ELMOD2: variants seen among roughly 807,000 people sequenced by gnomAD.
ELMOD2 encodes ELMO domain-containing protein 2.
In ELMOD2, 28 loss-of-function variants were observed where a neutral mutation model predicts 41.0. That is an observed-to-expected ratio of 0.68 (90% confidence interval 0.51 to 0.94). ELMOD2 has a LOEUF of 0.94. Ranked by LOEUF, ELMOD2 falls within the 40% of genes least tolerant of loss-of-function variation. The pLI is 0.00. For synonymous variants in ELMOD2, 106 were observed against 107.2 expected, an observed-to-expected ratio of 0.99 and a Z score of 0.07; for missense variants, 333 against 343.1, an observed-to-expected ratio of 0.97 and a Z score of 0.23.
chr4:140,536,113 A>T (rs544527233), intron 4 of ELMOD2, among the ~76,000 whole-genome samples: 7 of 152,256 alleles, frequency 4.6e-5, no homozygotes, highest in Admixed American at 3.3e-4. Context: ...AACTTTGGCT[A>T]CTATGTCTTT....
intron 3 of ELMOD2, among the ~76,000 whole-genome samples, chr4:140,534,318 G>A (rs1228676695): frequency 3.9e-5 from 6 of 152,118 alleles, no homozygotes; most frequent in Non-Finnish European, 8.8e-5. Flanking sequence ...AAAATAGTAC[G>A]TACTTTGATT....
chr4:140,540,148 A>T lies in ELMOD2; in HGVS notation c.400-20A>T. ...CTATGAGAAAGAAAATGTCTTAATA[A>T]TGGAAATATATTTGTACAGCTTTGG... On this transcript the variant is annotated intron_variant, in intron 5 of 8. Transcript: ENST00000323570. 1 of 1,607,790 alleles carries T rather than the reference A, an allele frequency of 6.2e-7. No individual in the cohort carries two copies. Among genetic ancestry groups the T allele is most frequent in the Non-Finnish European group, 8.5e-7 (1 of 1,177,364 alleles).
At chr4:140,549,204 CTTTT>C (rs1735388263) in intron 8 of ELMOD2, among the ~76,000 whole-genome samples, 1 of 151,970 alleles carries the variant, frequency 6.6e-6, no homozygotes, top group African/African-American at 2.4e-5. Flanking sequence ...GTATTAATAG[CTTTT>C]TTATTTGTTA....
intron 4 of ELMOD2, 29 bp from the exon 5 acceptor site, chr4:140,537,383 C>G (rs1274827496): frequency 6.8e-7 from 1 of 1,469,466 alleles, no homozygotes; most frequent in Non-Finnish European, 9.0e-7. Context: ...AGAGGGTATG[C>G]TTTTTAAAAA....
intron 5 of ELMOD2, 75 bp downstream of exon 5, chr4:140,537,616 G>C: frequency 6.5e-7 from 1 of 1,546,954 alleles, no homozygotes; most frequent in Non-Finnish European, 8.7e-7. Flanking sequence ...AGTAAAGTCT[G>C]CAAATTCTAG....
At chr4:140,545,271 G>A (rs1407975044) in intron 8 of ELMOD2, among the ~76,000 whole-genome samples, 4 of 151,908 alleles carry the variant, frequency 2.6e-5, no homozygotes, top group Admixed American at 6.6e-5. Context: ...CATTCTCCTG[G>A]CTTTTCTTTT....
chr4:140,525,191 T>G (rs982850704), intron 1 of ELMOD2: 1 of 393,610 alleles, frequency 2.5e-6, no homozygotes, highest in Non-Finnish European at 4.5e-6. Flanking sequence ...TTTGAGTACA[T>G]TGTTTGAATT....
chr4:140,551,275 T>C lies in ELMOD2; in HGVS notation c.*900T>C, dbSNP rs1404679453. ...AAGACAGTTTCTGTTTAAGTAAAAC[T>C]GTCTTTGAAACTTAAGAAAGCTTAA... is the stretch of plus-strand genomic sequence containing the variant. On this transcript the variant is annotated 3_prime_UTR_variant, in exon 9 of 9. Transcript: ENST00000323570. 2 of 152,220 alleles carry C rather than the reference T, an allele frequency of 1.3e-5. No individual in the cohort carries two copies. The highest frequency in any genetic ancestry group is 2.9e-5 in the Non-Finnish European group (2 of 67,948). 9.4% of individuals were successfully genotyped at this position (152,220 alleles called of 1,614,324 possible).
chr4:140,542,454 A>G, intron 6 of ELMOD2, 120 bp from the exon 7 acceptor site: 1 of 671,910 alleles, frequency 1.5e-6, no homozygotes, highest in East Asian at 2.8e-5. Flanking sequence ...TGAGACAGAT[A>G]TCAGGATACT....
At chr4:140,531,627 T>C (rs900714062) in intron 3 of ELMOD2, among the ~76,000 whole-genome samples, 1 of 152,252 alleles carries the variant, frequency 6.6e-6, no homozygotes, top group Admixed American at 6.5e-5. Context: ...AAATACATTT[T>C]ACGGCATTAG....
intron 5 of ELMOD2, among the ~76,000 whole-genome samples, chr4:140,537,983 A>T (rs1390037933): frequency 6.6e-6 from 1 of 152,078 alleles, no homozygotes; most frequent in Non-Finnish European, 1.5e-5. Context: ...ATTTTGTCCA[A>T]TCTTTTGGGA....
At chr4:140,537,135 G>A (rs1734954498) in intron 4 of ELMOD2, among the ~76,000 whole-genome samples, 2 of 152,178 alleles carry the variant, frequency 1.3e-5, no homozygotes, top group African/African-American at 2.4e-5. Context: ...ATTTAGGAAT[G>A]TATAGGATTG....
intron 7 of ELMOD2, 22 bp downstream of exon 7, chr4:140,542,664 A>C: frequency 6.5e-7 from 1 of 1,543,160 alleles, no homozygotes; most frequent in Non-Finnish European, 8.9e-7. Flanking sequence ...ATATTAAAGA[A>C]GCCGTAATCT....
At chr4:140,536,024 T>A (rs1280093790) in intron 4 of ELMOD2, among the ~76,000 whole-genome samples, 194 bp downstream of exon 4, 2 of 152,164 alleles carry the variant, frequency 1.3e-5, no homozygotes, top group African/African-American at 4.8e-5. Context: ...CTGTATCTCT[T>A]GGTTTCCAGT....
intron 6 of ELMOD2, among the ~76,000 whole-genome samples, chr4:140,541,755 C>T (rs1735112017): frequency 6.6e-6 from 1 of 152,028 alleles, no homozygotes; most frequent in East Asian, 1.9e-4. Context: ...TTAACAGCCC[C>T]TGGTGTAATG....
chr4:140,543,449 A>G lies in ELMOD2; in HGVS notation c.603-4A>G. On this transcript the variant is annotated splice_polypyrimidine_tract_variant and splice_region_variant and intron_variant, in intron 7 of 8. Transcript: ENST00000323570. ...TGGTATAACTGGTAATGTTTCTGAC[A>G]TAGGTATTCTTATGCAATAGTTGGA... 6.3e-7 allele frequency: 1 copy of G among 1,590,638 alleles called. No homozygotes were observed. Among genetic ancestry groups the G allele is most frequent in the African/African-American group, 1.4e-5 (1 of 73,596 alleles).
At chr4:140,546,558 A>C (rs1388536483) in intron 8 of ELMOD2, among the ~76,000 whole-genome samples, 2 of 151,572 alleles carry the variant, frequency 1.3e-5, no homozygotes, top group South Asian at 4.1e-4. Context: ...AATTAGCTAC[A>C]AATAAGAAAA....
At chr4:140,530,197 A>T (rs1430384564) in intron 3 of ELMOD2, among the ~76,000 whole-genome samples, 2 of 152,190 alleles carry the variant, frequency 1.3e-5, no homozygotes, top group African/African-American at 4.8e-5. Context: ...CTGCATTTGT[A>T]ACAACAGTTT....
At chr4:140,546,527 A>G (rs1735290447) in intron 8 of ELMOD2, among the ~76,000 whole-genome samples, 2 of 142,402 alleles carry the variant, frequency 1.4e-5, no homozygotes, top group East Asian at 1.9e-4. Context: ...AATGTAAAAA[A>G]TAAATAAATT....
Sources: allele counts gnomAD v4.1 joint callset (sites outside exome capture counted in the v4.1 genomes callset), GRCh38; gene constraint gnomAD v4.1.1; transcripts MANE v1.5; gene names NCBI Gene and HGNC (gene_info 2026-07-23, HGNC 2026-07-21).